Variants in PCDHGA5 observed in about 807,000 individuals in gnomAD.
The protein encoded by PCDHGA5 is protocadherin gamma subfamily A, 5, also known as protocadherin gamma-A5.
PCDHGA5 carries 36 observed loss-of-function variants against 56.7 expected under a neutral mutation model. The observed-to-expected ratio is 0.64, with a 90% CI of 0.49 to 0.84. PCDHGA5 has a LOEUF of 0.84. PCDHGA5 is among the 40% of genes least tolerant of loss of function. PCDHGA5 has a pLI of 0.00. For synonymous variants in PCDHGA5, 563 were observed against 520.2 expected (o/e 1.08, Z -1.12); for missense variants, 1,305 against 1,201.5 (o/e 1.09, Z -1.27).
At chr5:141,400,929 A>G (rs1179035412) in intron 1 of PCDHGA5, among the ~76,000 whole-genome samples, 2 of 152,214 alleles carry the variant, frequency 1.3e-5, no homozygotes, top group Non-Finnish European at 2.9e-5. Flanking sequence ...CTGCTAGTAG[A>G]TGTCTTTCTT....
intron 1 of PCDHGA5, chr5:141,427,790 C>G: frequency 6.7e-7 from 1 of 1,482,224 alleles, no homozygotes; most frequent in South Asian, 1.1e-5. Flanking sequence ...TGTCGTCCTA[C>G]GTGTCCGTGA....
At chr5:141,402,202 A>G (rs1223519214) in intron 1 of PCDHGA5, among the ~76,000 whole-genome samples, 1 of 152,138 alleles carries the variant, frequency 6.6e-6, no homozygotes. Flanking sequence ...CTTTTATAAT[A>G]CAAAAATTTA....
Position 141,432,736 on chromosome 5 carries a change from G to T in PCDHGA5, c.2422-62071G>T. On this transcript the variant is annotated intron_variant, in intron 1 of 3. Transcript: ENST00000518069. The surrounding 1 kb of genome is among the most constrained non-coding windows in gnomAD (Gnocchi z 6.0). ...AGCCCCCTCTCTCCGCCACTGTCACGCTCACCGTGGCCGTGGCCGACAGCA... is the reference window on the plus strand; with the variant it reads ...AGCCCCCTCTCTCCGCCACTGTCACTCTCACCGTGGCCGTGGCCGACAGCA... The T allele has an allele frequency of 6.2e-7, 1 of 1,614,058 alleles. No individual in the cohort carries two copies. The highest frequency in any genetic ancestry group is 8.5e-7 in the Non-Finnish European group (1 of 1,179,980).
chr5:141,415,080 C>T (rs1426953509), intron 1 of PCDHGA5: 1 of 1,613,526 alleles, frequency 6.2e-7, no homozygotes, highest in African/African-American at 1.3e-5. Context: ...CGGCGCGAGC[C>T]CTGCTGGACA....
At chr5:141,368,970 C>T (rs551619328) in intron 1 of PCDHGA5, among the ~76,000 whole-genome samples, 1 of 152,290 alleles carries the variant, frequency 6.6e-6, no homozygotes, top group South Asian at 2.1e-4. Context: ...TGCTATAATG[C>T]TTTTCCACTA....
At position 141,491,971 on chromosome 5, in the gene PCDHGA5, T is replaced by C. The variant is rs62379205; in HGVS notation, c.2422-2836T>C. ...CCTACACTCAAAAAAGGCCGGGGCC[T>C]CCTTCGAGCTTCCGGTGAATTTCGG... is the stretch of plus-strand genomic sequence containing the variant. On this transcript the variant is annotated intron_variant, in intron 1 of 3. Coordinates refer to ENST00000518069, the MANE Select transcript of PCDHGA5 (RefSeq NM_018918.3). This position sits in a 1 kb window ranked among gnomAD's most constrained non-coding sequence, Gnocchi z 6.9. The C allele has an allele frequency of 0.2, 165,735 of 830,872 alleles. 17,637 individuals are homozygous for C. Among genetic ancestry groups the C allele is most frequent in the Admixed American group, 0.32 (8,466 of 26,688 alleles). 51.5% of individuals were successfully genotyped at this position (830,872 alleles called of 1,614,324 possible).
At position 141,487,488 on chromosome 5, in the gene PCDHGA5, G is replaced by A; in HGVS notation, c.2422-7319G>A. ...GATGTGGGAGGCCACTCTCATGGCT[G>A]TACACCCTTGGCTTCTGCACCCACT... On this transcript the variant is annotated intron_variant, in intron 1 of 3. Transcript: ENST00000518069. This position sits in a 1 kb window ranked among gnomAD's most constrained non-coding sequence, Gnocchi z 5.0. The A allele has an allele frequency of 6.2e-7, 1 of 1,614,204 alleles. No homozygotes were observed. The highest frequency in any genetic ancestry group is 8.5e-7 in the Non-Finnish European group (1 of 1,180,038).
intron 1 of PCDHGA5, chr5:141,409,049 AG>A: frequency 6.2e-7 from 1 of 1,614,028 alleles, no homozygotes; most frequent in African/African-American, 1.3e-5. Context: ...CTACTTCCGA[AG>A]CACTGCCCAG....
At chr5:141,470,306 T>C (rs2099227644) in intron 1 of PCDHGA5, among the ~76,000 whole-genome samples, 1 of 152,222 alleles carries the variant, frequency 6.6e-6, no homozygotes, top group South Asian at 2.1e-4. Flanking sequence ...TTATTCCATT[T>C]TTCCTCAAAT....
Position 141,365,057 on chromosome 5 carries a change from A to T in PCDHGA5, c.727A>T (p.Thr243Ser), listed in dbSNP as rs1763709144. 1 of 1,613,594 alleles carries T rather than the reference A, an allele frequency of 6.2e-7. No homozygotes were observed. The highest frequency in any genetic ancestry group is 8.5e-7 in the Non-Finnish European group (1 of 1,179,860). The change falls in exon 1 of 4, where the codon ACC becomes TCC. Residue 243 changes from threonine (T) to serine (S), a missense_variant. By Grantham distance (58) the Thr-to-Ser change is moderately conservative (BLOSUM62 1). Coordinates refer to ENST00000518069, the MANE Select transcript of PCDHGA5 (RefSeq NM_018918.3). The part of the protein sequence containing the change: ...LDANDNAPLF[T>S]PSEYSVSVPE... The stretch of plus-strand genomic sequence containing the variant: ...CGCAAACGACAATGCGCCCCTGTTC[A>T]CCCCATCCGAGTACAGCGTGAGTGT...
Position 141,456,898 on chromosome 5 carries a change from G to A in PCDHGA5, c.2422-37909G>A, listed in dbSNP as rs1046778634. 3.9e-5 allele frequency among the ~76,000 whole-genome samples: 6 copies of A among 152,284 alleles called. No individual in the cohort carries two copies. The South Asian group carries it at 6.2e-4, about 16-fold the overall frequency. On this transcript the variant is annotated intron_variant, in intron 1 of 3. Transcript: ENST00000518069. ...GAATCGCTTGAACCCGGGAGGCAGA[G>A]GTTGCAGTGAGCCGAGATCGCACCA...
At chr5:141,475,217 A>G (rs1053906682) in intron 1 of PCDHGA5, among the ~76,000 whole-genome samples, 4 of 152,196 alleles carry the variant, frequency 2.6e-5, no homozygotes, top group Non-Finnish European at 5.9e-5. Flanking sequence ...AGGATTGATC[A>G]AGTAAAGGGA....
At chr5:141,420,634 G>A (rs891111955) in intron 1 of PCDHGA5, among the ~76,000 whole-genome samples, 2 of 152,080 alleles carry the variant, frequency 1.3e-5, no homozygotes, top group African/African-American at 4.8e-5. Context: ...CTCAATAAAG[G>A]AACCTTGTAA....
chr5:141,497,793 G>A (rs2099779480), intron 2 of PCDHGA5, among the ~76,000 whole-genome samples: 1 of 152,180 alleles, frequency 6.6e-6, no homozygotes, highest in Admixed American at 6.5e-5. Flanking sequence ...ACCTGCTTCA[G>A]CTTCCCAAAG....
chr5:141,431,790 C>T lies in PCDHGA5; in HGVS notation c.2422-63017C>T, dbSNP rs2097417829. On this transcript the variant is annotated intron_variant, in intron 1 of 3. Transcript: ENST00000518069. This position sits in a 1 kb window ranked among gnomAD's most constrained non-coding sequence, Gnocchi z 4.8. The stretch of plus-strand genomic sequence containing the variant: ...ACTGTTCTGGACGTGAACGACAATG[C>T]CCCAGAAGTGGTCCTCACCTCTCTC... 4.3e-6 allele frequency: 7 copies of T among 1,614,186 alleles called. No individual in the cohort carries two copies. The highest frequency in any genetic ancestry group is 5.9e-6 in the Non-Finnish European group (7 of 1,180,016).
intron 1 of PCDHGA5, among the ~76,000 whole-genome samples, chr5:141,471,998 A>T (rs938492822): frequency 5.3e-5 from 8 of 152,276 alleles, no homozygotes; most frequent in South Asian, 2.1e-4. Context: ...AAATCCCTGC[A>T]TCGTATAGGG....
chr5:141,388,710 G>A (rs756980821), intron 1 of PCDHGA5: 3 of 1,613,966 alleles, frequency 1.9e-6, no homozygotes, highest in Non-Finnish European at 8.5e-7. Flanking sequence ...TGTCAATGCC[G>A]AGATTACTTT....
intron 1 of PCDHGA5, among the ~76,000 whole-genome samples, chr5:141,474,726 A>G (rs549082085): frequency 6.6e-6 from 1 of 152,358 alleles, no homozygotes; most frequent in South Asian, 2.1e-4. Flanking sequence ...AAAGGACTCT[A>G]TGCAATCAAA....
chr5:141,372,044 G>T (rs758767680), intron 1 of PCDHGA5: 2 of 1,613,384 alleles, frequency 1.2e-6, no homozygotes, highest in Non-Finnish European at 1.7e-6. Context: ...GCCTGCGCGT[G>T]TTGGTGGACG....
Sources: gnomAD v4.1 joint callset for allele counts (sites outside exome capture counted in the v4.1 genomes callset) on GRCh38, gnomAD v4.1.1 for gene constraint, Gnocchi (gnomAD v3.1) non-coding constraint, MANE v1.5 for transcripts, NCBI Gene and HGNC (gene_info 2026-07-23, HGNC 2026-07-21) for gene names.